Variants in SHISA9 observed in about 807,000 individuals in gnomAD.
SHISA9 encodes the protein protein shisa-9.
SHISA9 carries 13 observed loss-of-function variants against 38.0 expected under a neutral mutation model. The observed-to-expected ratio is 0.34, with a 90% confidence interval of 0.22 to 0.54. The LOEUF is 0.54. SHISA9 is among the 20% of genes least tolerant of loss of function. The pLI, the probability that SHISA9 is intolerant of heterozygous loss-of-function variation, is 0.91. For synonymous variants in SHISA9, 275 were observed against 242.0 expected (o/e 1.14, Z -1.27); for missense variants, 538 against 575.8 (o/e 0.93, Z 0.67).
Position 12,902,005 on chromosome 16 carries a change from A to G in SHISA9, c.-60A>G, listed in dbSNP as rs1170636983. 3 of 1,330,562 alleles carry G rather than the reference A, an allele frequency of 2.3e-6. No individual in the cohort carries two copies. Among genetic ancestry groups the G allele is most frequent in the Non-Finnish European group, 2.9e-6 (3 of 1,040,902 alleles). The allele number at this position is 1,330,562 out of a possible 1,614,324, so 82.4% of individuals were successfully genotyped here. Reference sequence around the variant, plus strand: ...CCTCGGCAGCTTCGGCCGCGCCTCGAGAGGCGGCCGCAGAGGCTCCAGCGG... The same window carrying G: ...CCTCGGCAGCTTCGGCCGCGCCTCGGGAGGCGGCCGCAGAGGCTCCAGCGG... On this transcript the variant is annotated 5_prime_UTR_variant, in exon 1 of 5. Coordinates refer to ENST00000558583, the MANE Select transcript of SHISA9 (RefSeq NM_001145204.3).
chr16:13,018,864 A>C lies in SHISA9; in HGVS notation c.691+102049A>C, dbSNP rs191369750. Among the ~76,000 whole-genome samples the C allele has an allele frequency of 4.7e-3, 722 of 152,332 alleles. 10 individuals are homozygous for C. Among genetic ancestry groups the C allele is most frequent in the African/African-American group, 0.016 (677 of 41,578 alleles). On this transcript the variant is annotated intron_variant, in intron 2 of 4. Coordinates refer to ENST00000558583, the MANE Select transcript of SHISA9 (RefSeq NM_001145204.3). ...CAGAGCCTATGTGTGATTATGATGC[A>C]GATGGTCCCAGAACCGAAGAACGCT...
intron 2 of SHISA9, among the ~76,000 whole-genome samples, chr16:13,056,883 T>A (rs1027772146): frequency 6.6e-6 from 1 of 152,150 alleles, no homozygotes. Context: ...ACCTCGCTGT[T>A]AGCAGGAGGA....
the SHISA9 span, among the ~76,000 whole-genome samples, chr16:13,371,753 G>A: frequency 6.6e-6 from 1 of 152,220 alleles, no homozygotes; most frequent in Non-Finnish European, 1.5e-5. Context: ...GCTCAACGGG[G>A]AGATGTACAG....
At chr16:13,259,487 G>T in the SHISA9 span, among the ~76,000 whole-genome samples, 1 of 152,220 alleles carries the variant, frequency 6.6e-6, no homozygotes, top group Non-Finnish European at 1.5e-5. Context: ...GGGACTCTGT[G>T]TGGGGGCTCC....
the SHISA9 span, among the ~76,000 whole-genome samples, chr16:13,252,310 G>T: frequency 6.6e-6 from 1 of 152,110 alleles, no homozygotes; most frequent in Non-Finnish European, 1.5e-5. Context: ...CTCCTCCAGG[G>T]GACATTTGGC....
At chr16:13,171,317 G>A (rs2050684195) in intron 2 of SHISA9, among the ~76,000 whole-genome samples, 2 of 152,148 alleles carry the variant, frequency 1.3e-5, no homozygotes, top group African/African-American at 4.8e-5. Flanking sequence ...GAGATTTGGG[G>A]CAGGGGAGAA....
the SHISA9 span, among the ~76,000 whole-genome samples, chr16:13,367,697 TGC>T: frequency 0.075 from 8,730 of 115,744 alleles, 315 homozygotes; most frequent in African/African-American, 0.1. Context: ...CGCGTGTGCG[TGC>T]GCGCGCGCGC....
At chr16:13,410,820 G>A in the SHISA9 span, among the ~76,000 whole-genome samples, 1 of 152,170 alleles carries the variant, frequency 6.6e-6, no homozygotes, top group Non-Finnish European at 1.5e-5. Context: ...TACACCTAGT[G>A]AAAAGGATAC....
the SHISA9 span, among the ~76,000 whole-genome samples, chr16:13,559,932 C>T: frequency 6.6e-6 from 1 of 152,164 alleles, no homozygotes; most frequent in African/African-American, 2.4e-5. Flanking sequence ...TCAGCAGTAG[C>T]TCTCTCAGGA....
chr16:12,974,367 C>T (rs150542836), intron 2 of SHISA9, among the ~76,000 whole-genome samples: 100 of 151,834 alleles, frequency 6.6e-4, no homozygotes, highest in Non-Finnish European at 1.2e-3. Context: ...GCATGGAAAC[C>T]AGGCGGGCAA....
At chr16:13,459,307 A>C in the SHISA9 span, among the ~76,000 whole-genome samples, 3 of 152,076 alleles carry the variant, frequency 2.0e-5, no homozygotes, top group Admixed American at 6.6e-5. Context: ...TTATAAAGCA[A>C]ACATTCACTC....
chr16:13,261,784 C>A, the SHISA9 span, among the ~76,000 whole-genome samples: 2 of 152,150 alleles, frequency 1.3e-5, no homozygotes, highest in Non-Finnish European at 2.9e-5. Flanking sequence ...GGCTGGTGAT[C>A]ATGGTTTCAT....
intron 2 of SHISA9, among the ~76,000 whole-genome samples, chr16:13,117,823 T>C (rs950773524): frequency 6.6e-6 from 1 of 152,170 alleles, no homozygotes; most frequent in Admixed American, 6.5e-5. Flanking sequence ...TGACAATCAG[T>C]TTCTGTATTC....
chr16:13,108,906 A>T (rs1284670844), intron 2 of SHISA9, among the ~76,000 whole-genome samples: 1 of 152,194 alleles, frequency 6.6e-6, no homozygotes, highest in African/African-American at 2.4e-5. Flanking sequence ...TCCTGAGCTA[A>T]AACCTTCCAG....
At chr16:13,078,707 C>T (rs529300195) in intron 2 of SHISA9, among the ~76,000 whole-genome samples, 1 of 152,270 alleles carries the variant, frequency 6.6e-6, no homozygotes, top group Admixed American at 6.5e-5. Context: ...CGCCTGGCCC[C>T]TTCTCAACTA....
the SHISA9 span, among the ~76,000 whole-genome samples, chr16:13,256,710 A>C: frequency 6.6e-6 from 1 of 152,238 alleles, no homozygotes; most frequent in African/African-American, 2.4e-5. Flanking sequence ...GATAACTCAC[A>C]CTTGAATGAG....
intron 2 of SHISA9, among the ~76,000 whole-genome samples, chr16:12,979,650 A>G (rs1346583434): frequency 6.6e-6 from 1 of 152,046 alleles, no homozygotes. Flanking sequence ...CATGCTGTAT[A>G]TTATCCTTTG....
At chr16:13,526,220 G>C in the SHISA9 span, among the ~76,000 whole-genome samples, 2 of 152,290 alleles carry the variant, frequency 1.3e-5, no homozygotes, top group Admixed American at 1.3e-4. Context: ...TCTTCATTCA[G>C]AAGAGAACCA....
At chr16:13,184,823 T>A (rs940107845) in intron 2 of SHISA9, among the ~76,000 whole-genome samples, 1 of 152,258 alleles carries the variant, frequency 6.6e-6, no homozygotes, top group African/African-American at 2.4e-5. Flanking sequence ...TACCACAGTG[T>A]GTTTATGAAT....
Sources: allele counts gnomAD v4.1 joint callset (sites outside exome capture counted in the v4.1 genomes callset), GRCh38; gene constraint gnomAD v4.1.1; transcripts MANE v1.5; gene names NCBI Gene and HGNC (gene_info 2026-07-23, HGNC 2026-07-21).